CRIM1: variants seen among roughly 807,000 people sequenced by gnomAD.
CRIM1 encodes cysteine rich transmembrane BMP regulator 1.
Under a neutral mutation model 116.4 loss-of-function variants are expected in CRIM1, and 32 were observed. That is an observed-to-expected ratio of 0.27 (90% CI 0.21 to 0.37). The LOEUF (loss-of-function observed/expected upper bound fraction) is 0.37. Among genes scored for constraint, CRIM1 ranks in the 10% least tolerant of loss-of-function variants. The pLI is 1.00. For synonymous variants in CRIM1, 590 were observed against 509.2 expected (o/e 1.16, Z -2.13); for missense variants, 1,331 against 1,354.8 (o/e 0.98, Z 0.28).
chr2:36,392,732 A>G (rs980594535), intron 1 of CRIM1, among the ~76,000 whole-genome samples: 1 of 152,190 alleles, frequency 6.6e-6, no homozygotes, highest in East Asian at 1.9e-4. Flanking sequence ...AGCATGTTGT[A>G]CTTGATCCTA....
At chr2:36,431,003 G>C (rs948009934) in intron 2 of CRIM1, among the ~76,000 whole-genome samples, 2 of 152,156 alleles carry the variant, frequency 1.3e-5, no homozygotes, top group East Asian at 3.9e-4. Flanking sequence ...TAAAGAGAAA[G>C]TATTGGAAGC....
At chr2:36,525,848 T>G (rs1460691896) in intron 13 of CRIM1, among the ~76,000 whole-genome samples, 1 of 152,146 alleles carries the variant, frequency 6.6e-6, no homozygotes, top group Non-Finnish European at 1.5e-5. Context: ...GAAGTATCCT[T>G]TTTTCCTACT....
chr2:36,372,010 G>A (rs1159369674), intron 1 of CRIM1, among the ~76,000 whole-genome samples: 1 of 152,204 alleles, frequency 6.6e-6, no homozygotes, highest in African/African-American at 2.4e-5. Flanking sequence ...TTAATCAGGA[G>A]GGTGTTTAGT....
chr2:36,549,519 G>C lies in CRIM1; in HGVS notation c.*818G>C, dbSNP rs568143964. 1 of 152,190 alleles carries C rather than the reference G, an allele frequency of 6.6e-6. No individual in the cohort carries two copies. Among genetic ancestry groups the C allele is most frequent in the African/African-American group, 2.4e-5 (1 of 41,304 alleles). The allele number at this position is 152,190 out of a possible 1,614,324, so 9.4% of individuals were successfully genotyped here. ...ACAGGAAGAGGAGGGAGAGGGTGACGAACACCAGGCATTTCCAGGGGCTAT... is the reference window on the plus strand; with the variant it reads ...ACAGGAAGAGGAGGGAGAGGGTGACCAACACCAGGCATTTCCAGGGGCTAT... On this transcript the variant is annotated 3_prime_UTR_variant, in exon 17 of 17. Coordinates refer to ENST00000280527, the MANE Select transcript of CRIM1 (RefSeq NM_016441.3).
intron 7 of CRIM1, among the ~76,000 whole-genome samples, chr2:36,488,340 A>G: frequency 6.6e-6 from 1 of 152,158 alleles, no homozygotes; most frequent in South Asian, 2.1e-4. Flanking sequence ...CAGGTGGCTG[A>G]TGAGGTGGCA....
chr2:36,514,612 T>G lies in CRIM1; in HGVS notation c.1990+847T>G, dbSNP rs965607980. 1.2e-4 allele frequency among the ~76,000 whole-genome samples: 18 copies of G among 152,208 alleles called. 1 individual carries two copies. Among genetic ancestry groups the G allele is most frequent in the Admixed American group, 6.5e-5 (1 of 15,286 alleles). On this transcript the variant is annotated intron_variant, in intron 11 of 16. Transcript: ENST00000280527. ...GAAGTCTCTCAAATCTTGTATCAGATTTCTTTCAAAGTTAAGTCTACTGTC... is the reference window on the plus strand; with the variant it reads ...GAAGTCTCTCAAATCTTGTATCAGAGTTCTTTCAAAGTTAAGTCTACTGTC...
intron 7 of CRIM1, among the ~76,000 whole-genome samples, chr2:36,490,110 A>G (rs1680121055): frequency 6.6e-6 from 1 of 152,146 alleles, no homozygotes; most frequent in African/African-American, 2.4e-5. Flanking sequence ...AGAATGCTGA[A>G]CCAATTGCCA....
At chr2:36,440,718 C>T (rs918466845) in intron 2 of CRIM1, among the ~76,000 whole-genome samples, 2 of 152,180 alleles carry the variant, frequency 1.3e-5, no homozygotes, top group African/African-American at 4.8e-5. Context: ...ATCCATCTTG[C>T]TAAGCTGCCA....
intron 2 of CRIM1, among the ~76,000 whole-genome samples, chr2:36,413,664 C>G (rs2148420945): frequency 6.6e-6 from 1 of 152,322 alleles, no homozygotes; most frequent in South Asian, 2.1e-4. Context: ...ACTAAAAATG[C>G]AGTCAGCGAT....
chr2:36,360,839 A>G (rs1262526718), intron 1 of CRIM1, among the ~76,000 whole-genome samples: 1 of 152,212 alleles, frequency 6.6e-6, no homozygotes, highest in Non-Finnish European at 1.5e-5. Context: ...GCAAAATATC[A>G]GCTTCTATAG....
At chr2:36,533,288 A>G (rs971281176) in intron 13 of CRIM1, among the ~76,000 whole-genome samples, 120 of 152,128 alleles carry the variant, frequency 7.9e-4, no homozygotes, top group African/African-American at 2.9e-3. Context: ...GTATCTAGGA[A>G]AAGAAATGAG....
intron 4 of CRIM1, among the ~76,000 whole-genome samples, chr2:36,450,745 G>A (rs1223255400): frequency 1.3e-5 from 2 of 152,192 alleles, no homozygotes; most frequent in Non-Finnish European, 2.9e-5. Context: ...CCAGAGCGAA[G>A]GTCATCAATG....
At chr2:36,404,824 C>T (rs907498613) in intron 2 of CRIM1, among the ~76,000 whole-genome samples, 2 of 152,120 alleles carry the variant, frequency 1.3e-5, no homozygotes, top group African/African-American at 4.8e-5. Context: ...TAACAGTTGC[C>T]TCAGATCATT....
intron 2 of CRIM1, among the ~76,000 whole-genome samples, chr2:36,425,064 G>T (rs1012223407): frequency 3.9e-5 from 6 of 152,162 alleles, no homozygotes; most frequent in African/African-American, 1.4e-4. Flanking sequence ...TCAGGCCCGG[G>T]ACTGAGTCCA....
rs1267680535 is a variant in CRIM1 at position 36,549,850 on chromosome 2, T to TAC, written c.*1151_*1152dup. 2 of 151,532 alleles carry TAC rather than the reference T, an allele frequency of 1.3e-5. No homozygotes were observed. The highest frequency in any genetic ancestry group is 2.1e-4 in the South Asian group (1 of 4,738). The allele number at this position is 151,532 out of a possible 1,614,324, so 9.4% of individuals were successfully genotyped here. A position where few individuals can be genotyped will look rare whatever the true frequency, so the allele number is the denominator to read the frequency against. On this transcript the variant is annotated 3_prime_UTR_variant, in exon 17 of 17. Coordinates refer to ENST00000280527, the MANE Select transcript of CRIM1 (RefSeq NM_016441.3). ...TGCATGTGTATATAATATATATATA[T>TAC]ACATATATATTTATACACATACAAT... is the stretch of plus-strand genomic sequence containing the variant.
intron 16 of CRIM1, among the ~76,000 whole-genome samples, chr2:36,547,861 A>C (rs1667461378): frequency 6.6e-6 from 1 of 152,180 alleles, no homozygotes; most frequent in African/African-American, 2.4e-5. Flanking sequence ...CTCTAATTCT[A>C]CCTTTTGCCT....
chr2:36,370,410 G>A (rs1406755962), intron 1 of CRIM1, among the ~76,000 whole-genome samples: 1 of 152,078 alleles, frequency 6.6e-6, no homozygotes. Context: ...GGGAAAAGGT[G>A]AGCCCTCAGC....
chr2:36,549,099 A>T lies in CRIM1; in HGVS notation c.*398A>T, dbSNP rs1667563999. On this transcript the variant is annotated 3_prime_UTR_variant, in exon 17 of 17. Coordinates refer to ENST00000280527, the MANE Select transcript of CRIM1 (RefSeq NM_016441.3). ...AAAGCAGTTCAGTGGCCCAGAGGTT[A>T]TTTTTTTCCTATTGCTCTGAAGACT... 1 of 154,842 alleles carries T rather than the reference A, an allele frequency of 6.5e-6. No individual in the cohort carries two copies. Among genetic ancestry groups the T allele is most frequent in the Admixed American group, 6.4e-5 (1 of 15,508 alleles). 9.6% of individuals were successfully genotyped at this position (154,842 alleles called of 1,614,324 possible).
At chr2:36,547,378 C>T (rs1476282204) in intron 16 of CRIM1, among the ~76,000 whole-genome samples, 1 of 152,148 alleles carries the variant, frequency 6.6e-6, no homozygotes, top group Non-Finnish European at 1.5e-5. Flanking sequence ...ATCCATTATC[C>T]ATTGGTTAAT....
Sources: gnomAD v4.1 joint callset for allele counts (sites outside exome capture counted in the v4.1 genomes callset) on GRCh38, gnomAD v4.1.1 for gene constraint, MANE v1.5 for transcripts, NCBI Gene and HGNC (gene_info 2026-07-23, HGNC 2026-07-21) for gene names.